USP32: variants seen among roughly 807,000 people sequenced by gnomAD.
USP32 encodes ubiquitin carboxyl-terminal hydrolase 32.
USP32 carries 59 observed loss-of-function variants against 204.8 expected under a neutral mutation model. The observed-to-expected ratio is 0.29, with a 90% CI of 0.23 to 0.36. The LOEUF (loss-of-function observed/expected upper bound fraction) is 0.36, where lower values mean the gene tolerates loss of function less well. USP32 is among the 10% of genes least tolerant of loss of function. The pLI is 1.00. For synonymous variants in USP32, 517 were observed against 678.4 expected (o/e 0.76, Z 3.70); for missense variants, 1,160 against 1,946.4 (o/e 0.60, Z 7.60).
At chr17:60,279,767 G>C (rs1375901017) in intron 5 of USP32, among the ~76,000 whole-genome samples, 1 of 151,286 alleles carries the variant, frequency 6.6e-6, no homozygotes, top group Non-Finnish European at 1.5e-5. Context: ...AGCCTAGGAG[G>C]CGGAGGTTGC....
In USP32 at chr17:60,326,825, AT is replaced by A. The variant is rs202004756; in HGVS notation, c.186+18655del. Among the ~76,000 whole-genome samples, 1,364 of 152,350 alleles carry A rather than the reference AT, an allele frequency of 9.0e-3. 4 individuals are homozygous for A. Among genetic ancestry groups the A allele is most frequent in the Non-Finnish European group, 0.016 (1,094 of 68,036 alleles). ...ATTTCCACAAGATGTTCTGAGTTAT[AT>A]TTATATAGATTACTATCCTGCCAAG... On this transcript the variant is annotated intron_variant, in intron 2 of 33. Transcript: ENST00000300896.
At chr17:60,185,743 T>C in intron 29 of USP32, 92 bp from the exon 30 acceptor site, 2 of 1,433,952 alleles carry the variant, frequency 1.4e-6, no homozygotes, top group Non-Finnish European at 1.9e-6. Flanking sequence ...TCACTCACCC[T>C]TATTTTACTC....
intron 1 of USP32, among the ~76,000 whole-genome samples, chr17:60,346,762 A>T (rs558936292): frequency 6.6e-6 from 1 of 152,358 alleles, no homozygotes; most frequent in South Asian, 2.1e-4. Flanking sequence ...CCAGATGAAG[A>T]TAATTACATT....
At chr17:60,287,642 A>C (rs1175632755) in intron 5 of USP32, among the ~76,000 whole-genome samples, 2 of 152,164 alleles carry the variant, frequency 1.3e-5, no homozygotes, top group East Asian at 3.8e-4. Flanking sequence ...AAACATCTTG[A>C]TTTCAGCTGC....
At chr17:60,385,265 A>C (rs564193119) in intron 1 of USP32, among the ~76,000 whole-genome samples, 2 of 152,060 alleles carry the variant, frequency 1.3e-5, no homozygotes, top group South Asian at 4.1e-4. Context: ...ACCCACCCAA[A>C]TCCTATAAAA....
chr17:60,314,268 A>G (rs1446303251), intron 2 of USP32, among the ~76,000 whole-genome samples: 5 of 150,760 alleles, frequency 3.3e-5, no homozygotes, highest in Non-Finnish European at 5.9e-5. Context: ...CAGCCTCCCA[A>G]GTAGCTGGGG....
At chr17:60,274,642 C>G (rs1002562778) in intron 5 of USP32, among the ~76,000 whole-genome samples, 5 of 152,052 alleles carry the variant, frequency 3.3e-5, no homozygotes, top group African/African-American at 1.2e-4. Flanking sequence ...AAATTGTCAA[C>G]CTCCAATTCT....
In USP32 at chr17:60,271,373, G is replaced by C; in HGVS notation, c.680C>G (p.Pro227Arg). The C allele has an allele frequency of 6.2e-7, 1 of 1,614,084 alleles. No individual in the cohort carries two copies. Among genetic ancestry groups the C allele is most frequent in the Non-Finnish European group, 8.5e-7 (1 of 1,179,962 alleles). The change falls in exon 6 of 34, where the codon CCT becomes CGT. Residue 227 changes from proline to arginine, a missense_variant. Physicochemically the swap from Pro to Arg is moderately radical, Grantham distance 103. Transcript: ENST00000300896. ...ACCTTCACTTAGAGATGGACGAATA[G>C]GTGGTGAAACCAATGGGCCAAATGT... ...LETFGPLVSPPIRPSLSEGLF... is the reference protein window; with the variant it reads ...LETFGPLVSPRIRPSLSEGLF...
chr17:60,240,514 C>G (rs73990690), intron 11 of USP32, among the ~76,000 whole-genome samples: 3 of 148,588 alleles, frequency 2.0e-5, no homozygotes, highest in Non-Finnish European at 4.4e-5. Flanking sequence ...GAGAGAGAGA[C>G]AAAAGACAGA....
At chr17:60,351,288 C>T (rs904553363) in intron 1 of USP32, among the ~76,000 whole-genome samples, 2 of 152,234 alleles carry the variant, frequency 1.3e-5, no homozygotes, top group South Asian at 2.1e-4. Flanking sequence ...TAGCAACTCC[C>T]GGGCTCAAGT....
At chr17:60,279,852 T>TTAATAATAATAA (rs201455332) in intron 5 of USP32, among the ~76,000 whole-genome samples, 1 of 145,638 alleles carries the variant, frequency 6.9e-6, no homozygotes, top group African/African-American at 2.5e-5. Flanking sequence ...ATAATAATAA[T>TTAATAATAATAA]TAATAATAAT....
intron 5 of USP32, among the ~76,000 whole-genome samples, chr17:60,286,152 A>G (rs1475754787): frequency 1.3e-5 from 2 of 151,282 alleles, no homozygotes; most frequent in East Asian, 3.9e-4. Context: ...AAAAAAAAAA[A>G]GGAAAAGCAG....
intron 1 of USP32, among the ~76,000 whole-genome samples, chr17:60,346,463 A>G (rs1279086630): frequency 6.6e-6 from 1 of 152,242 alleles, no homozygotes; most frequent in Non-Finnish European, 1.5e-5. Flanking sequence ...TATGGAGAAC[A>G]GTCTTCAAGT....
intron 2 of USP32, among the ~76,000 whole-genome samples, chr17:60,315,187 C>T (rs1377156955): frequency 6.6e-6 from 1 of 152,134 alleles, no homozygotes; most frequent in Non-Finnish European, 1.5e-5. Flanking sequence ...TGCCTGAGCT[C>T]AGGAGTTCAA....
At chr17:60,322,790 A>T (rs1042800309) in intron 2 of USP32, among the ~76,000 whole-genome samples, 2 of 152,242 alleles carry the variant, frequency 1.3e-5, no homozygotes, top group Admixed American at 1.3e-4. Context: ...CATTCTTCAA[A>T]GCACTAAAAT....
At chr17:60,194,035 T>G (rs946909387) in intron 27 of USP32, among the ~76,000 whole-genome samples, 1 of 151,988 alleles carries the variant, frequency 6.6e-6, no homozygotes, top group African/African-American at 2.4e-5. Flanking sequence ...CTGCTCCCCC[T>G]GCAGACTTTT....
At chr17:60,371,494 G>A (rs1325941728) in intron 1 of USP32, among the ~76,000 whole-genome samples, 1 of 151,830 alleles carries the variant, frequency 6.6e-6, no homozygotes, top group African/African-American at 2.4e-5. Context: ...GCTTGAACTT[G>A]GGAGGTGGAG....
intron 2 of USP32, among the ~76,000 whole-genome samples, chr17:60,329,500 G>T (rs2088326078): frequency 6.8e-6 from 1 of 147,604 alleles, no homozygotes; most frequent in South Asian, 2.1e-4. Context: ...TTTGAGATGA[G>T]GTCTCACTAT....
chr17:60,245,441 C>T (rs1598132836), intron 11 of USP32: 1 of 360,908 alleles, frequency 2.8e-6, no homozygotes, highest in East Asian at 8.3e-5. Context: ...AGCTCCTTGA[C>T]ATTGCGGACC....
Sources: allele counts gnomAD v4.1 joint callset (sites outside exome capture counted in the v4.1 genomes callset), GRCh38; gene constraint gnomAD v4.1.1; transcripts MANE v1.5; gene names NCBI Gene and HGNC (gene_info 2026-07-23, HGNC 2026-07-21).